GUCY1A2: variants seen among roughly 807,000 people sequenced by gnomAD.
GUCY1A2 encodes the protein guanylate cyclase soluble subunit alpha-2.
In GUCY1A2, 27 loss-of-function variants were observed where a neutral mutation model predicts 63.5. That is an observed-to-expected ratio of 0.43 (90% confidence interval 0.31 to 0.59). GUCY1A2 has a LOEUF of 0.59. Ranked by LOEUF, GUCY1A2 falls within the 20% of genes least tolerant of loss-of-function variation. The pLI is 0.11. For synonymous variants in GUCY1A2, 364 were observed against 343.5 expected (o/e 1.06, Z -0.66); for missense variants, 768 against 913.3 (o/e 0.84, Z 2.05).
intron 6 of GUCY1A2, among the ~76,000 whole-genome samples, chr11:106,743,492 A>G (rs1455446950): frequency 6.6e-6 from 1 of 152,128 alleles, no homozygotes; most frequent in African/African-American, 2.4e-5. Context: ...AAAATGTCAC[A>G]AGTGCACTGA....
intron 4 of GUCY1A2, among the ~76,000 whole-genome samples, chr11:106,905,581 G>T (rs190325771): frequency 4.5e-4 from 69 of 152,110 alleles, no homozygotes; most frequent in Admixed American, 1.8e-3. Flanking sequence ...TAGAGAATTG[G>T]GATCAAGCAC....
intron 4 of GUCY1A2, among the ~76,000 whole-genome samples, chr11:106,864,102 A>G (rs1334066406): frequency 6.6e-6 from 1 of 151,938 alleles, no homozygotes; most frequent in Non-Finnish European, 1.5e-5. Context: ...CATTAGGAGA[A>G]ACACCTAATG....
intron 6 of GUCY1A2, among the ~76,000 whole-genome samples, chr11:106,712,530 T>C (rs1007581238): frequency 6.9e-6 from 1 of 144,228 alleles, no homozygotes; most frequent in Non-Finnish European, 1.5e-5. Context: ...ATTTTCTTTA[T>C]GTCTAGTAAT....
chr11:106,763,116 A>G (rs1864094132), intron 6 of GUCY1A2, among the ~76,000 whole-genome samples: 1 of 152,138 alleles, frequency 6.6e-6, no homozygotes, highest in African/African-American at 2.4e-5. Flanking sequence ...GCAATACATA[A>G]ATAATTCATA....
intron 4 of GUCY1A2, among the ~76,000 whole-genome samples, chr11:106,927,169 C>T (rs536508695): frequency 7.9e-5 from 12 of 151,698 alleles, no homozygotes; most frequent in South Asian, 2.1e-4. Context: ...GTTAGGAGAT[C>T]GAGACCATCC....
At chr11:106,931,550 G>T (rs1160937343) in intron 4 of GUCY1A2, among the ~76,000 whole-genome samples, 1 of 148,626 alleles carries the variant, frequency 6.7e-6, no homozygotes, top group South Asian at 2.2e-4. Context: ...AATGTTCATT[G>T]CAACATTATT....
intron 3 of GUCY1A2, among the ~76,000 whole-genome samples, chr11:106,947,005 T>G: frequency 6.6e-6 from 1 of 151,890 alleles, no homozygotes; most frequent in Non-Finnish European, 1.5e-5. Flanking sequence ...GATAATGAAG[T>G]CAGGAATTCG....
At chr11:106,873,747 T>A (rs1198445386) in intron 4 of GUCY1A2, among the ~76,000 whole-genome samples, 3 of 152,218 alleles carry the variant, frequency 2.0e-5, no homozygotes, top group African/African-American at 7.2e-5. Context: ...TAGTTTCTTT[T>A]GTTGTGCAGA....
At chr11:106,958,732 A>G (rs996347433) in intron 3 of GUCY1A2, among the ~76,000 whole-genome samples, 1 of 152,212 alleles carries the variant, frequency 6.6e-6, no homozygotes, top group Non-Finnish European at 1.5e-5. Flanking sequence ...TCTATTTCAG[A>G]TAAGGGGAGC....
At chr11:106,745,344 G>A (rs550035159) in intron 6 of GUCY1A2, among the ~76,000 whole-genome samples, 1 of 152,322 alleles carries the variant, frequency 6.6e-6, no homozygotes, top group East Asian at 1.9e-4. Flanking sequence ...AAAAATAAAT[G>A]AGAAGTACTT....
In GUCY1A2 at chr11:106,939,910, C is replaced by A. The variant is rs1860730088; in HGVS notation, c.756G>T (p.Gly252=). The change falls in exon 4 of 8, where the codon GGG becomes GGT. Residue 252 remains glycine, a synonymous_variant. Coordinates refer to ENST00000526355, the MANE Select transcript of GUCY1A2 (RefSeq NM_000855.3). ...TCTTCTTTCCTGCAGCCTTAATCATCCCCAGCATTGCAAACCCCACAATAT... is the reference window on the plus strand; with the variant it reads ...TCTTCTTTCCTGCAGCCTTAATCATACCCAGCATTGCAAACCCCACAATAT... ...PHHIVGFAML[G]MIKAAGKKIY... is the part of the protein sequence containing the mutation. 4.3e-6 allele frequency: 7 copies of A among 1,614,110 alleles called. No individual in the cohort carries two copies. The highest frequency in any genetic ancestry group is 5.1e-6 in the Non-Finnish European group (6 of 1,179,974).
At chr11:106,753,865 A>G (rs1863926498) in intron 6 of GUCY1A2, among the ~76,000 whole-genome samples, 1 of 152,196 alleles carries the variant, frequency 6.6e-6, no homozygotes, top group Admixed American at 6.5e-5. Context: ...TATGAAATTT[A>G]AAGTAGTTTT....
chr11:106,967,203 G>A (rs187758418), intron 3 of GUCY1A2, among the ~76,000 whole-genome samples: 15 of 152,156 alleles, frequency 9.9e-5, no homozygotes, highest in African/African-American at 2.4e-4. Context: ...TATCTTCTTC[G>A]CAAAGATCCT....
rs368609967 is a variant in GUCY1A2, at chr11:106,979,553, T to G, written c.366-813A>C. Among the ~76,000 whole-genome samples the G allele has an allele frequency of 2.1e-4, 32 of 152,270 alleles. No individual in the cohort carries two copies. In the East Asian group the frequency reaches 6.2e-3, roughly 29 times the overall value. On this transcript the variant is annotated intron_variant, in intron 2 of 7. Coordinates refer to ENST00000526355, the MANE Select transcript of GUCY1A2 (RefSeq NM_000855.3). ...TCATGGTCTTACCATTTTCTATCTG[T>G]GAGATCTTGAGCAAGTAACCTAATC...
intron 5 of GUCY1A2, among the ~76,000 whole-genome samples, chr11:106,781,116 A>C (rs1864453675): frequency 9.9e-6 from 1 of 101,066 alleles, no homozygotes; most frequent in Non-Finnish European, 2.2e-5. Context: ...AGACTACAAA[A>C]AAAAAAAAAA....
intron 4 of GUCY1A2, chr11:106,827,942 C>G: frequency 8.9e-7 from 1 of 1,126,936 alleles, no homozygotes; most frequent in Non-Finnish European, 1.3e-6. Context: ...CAGCGAGACT[C>G]TGGACTCCAG....
chr11:106,853,633 G>A (rs959039611), intron 4 of GUCY1A2, among the ~76,000 whole-genome samples: 7 of 151,524 alleles, frequency 4.6e-5, no homozygotes, highest in African/African-American at 1.2e-4. Flanking sequence ...GAATTTTTTC[G>A]GACATTTAAT....
chr11:106,788,700 T>C (rs990387555), intron 5 of GUCY1A2, among the ~76,000 whole-genome samples: 3 of 152,178 alleles, frequency 2.0e-5, no homozygotes, highest in Non-Finnish European at 4.4e-5. Context: ...TTTGTCAAAA[T>C]TGAGTTAACT....
chr11:106,862,520 T>C (rs548955529), intron 4 of GUCY1A2, among the ~76,000 whole-genome samples: 53 of 151,954 alleles, frequency 3.5e-4, no homozygotes, highest in Non-Finnish European at 6.8e-4. Context: ...GCCTTTTCTA[T>C]TGTGAAAACT....
Sources: allele counts gnomAD v4.1 joint callset (sites outside exome capture counted in the v4.1 genomes callset), GRCh38; gene constraint gnomAD v4.1.1; transcripts MANE v1.5; gene names NCBI Gene and HGNC (gene_info 2026-07-23, HGNC 2026-07-21).